The following PLXDC2 variants were observed in gnomAD, a reference collection of about 807,000 sequenced individuals.
PLXDC2 encodes the protein plexin domain-containing protein 2.
PLXDC2 carries 40 observed loss-of-function variants against 68.9 expected under a neutral mutation model. The observed-to-expected ratio is 0.58, with a 90% confidence interval of 0.45 to 0.76. The LOEUF is 0.76. Ranked by LOEUF, PLXDC2 falls within the 30% of genes least tolerant of loss-of-function variation. The pLI is 0.00. For missense variants in PLXDC2, 644 were observed against 661.9 expected (o/e 0.97, Z 0.30); for synonymous variants, 243 against 234.2 (o/e 1.04, Z -0.34).
rs1273748306 is a variant in PLXDC2, at chr10:20,044,219, TTCTTTC to T, written c.325-2648_325-2643del. Among the ~76,000 whole-genome samples the T allele has an allele frequency of 1.0e-3, 15 of 14,686 alleles. 1 individual carries two copies. The highest frequency in any genetic ancestry group is 2.1e-3 in the Admixed American group (3 of 1,406). 9.6% of individuals were successfully genotyped at this position (14,686 alleles called of 152,430 possible). A position where few individuals can be genotyped will look rare whatever the true frequency, so the allele number is the denominator to read the frequency against. On this transcript the variant is annotated intron_variant, in intron 2 of 13. Transcript: ENST00000377252. ...TCTCTCTCTCTCTCTCTGTCTTTCT[TTCTTTC>T]TTTCTTTCTTTCTTTCTTTCTTTCT... is the stretch of plus-strand genomic sequence containing the variant.
At chr10:20,260,033 A>T (rs527474549) in intron 13 of PLXDC2, among the ~76,000 whole-genome samples, 57 of 152,372 alleles carry the variant, frequency 3.7e-4, no homozygotes, top group Non-Finnish European at 6.5e-4. Context: ...GCCATCATTT[A>T]CTTAGCAGAT....
At chr10:20,052,871 T>A (rs1019820463) in intron 3 of PLXDC2, among the ~76,000 whole-genome samples, 2 of 152,038 alleles carry the variant, frequency 1.3e-5, no homozygotes, top group Non-Finnish European at 2.9e-5. Context: ...AAAGGCAACT[T>A]CCCACACACT....
intron 13 of PLXDC2, among the ~76,000 whole-genome samples, chr10:20,248,135 A>G (rs1835624851): frequency 2.0e-5 from 3 of 152,232 alleles, no homozygotes; most frequent in Admixed American, 2.0e-4. Context: ...GACATGGTGA[A>G]AAAGAAGACA....
Position 20,284,312 on chromosome 10 carries a change from C to CATATATATATATACATATATAT in PLXDC2, c.*4506_*4507insCATATATATATATATATATATA, listed in dbSNP as rs1348129132. ...GTGAGACCCATCTCTATCAAATATA[C>CATATATATATATACATATATAT]ATATATATATATATATATACACACA... On this transcript the variant is annotated 3_prime_UTR_variant, in exon 14 of 14. Transcript: ENST00000377252. 48 of 125,322 alleles carry CATATATATATATACATATATAT rather than the reference C, an allele frequency of 3.8e-4. No individual in the cohort carries two copies. The highest frequency in any genetic ancestry group is 1.5e-3 in the African/African-American group (48 of 31,496). The allele number at this position is 125,322 out of a possible 1,614,324, so 7.8% of individuals were successfully genotyped here.
chr10:20,126,813 A>AGAACACG (rs1207236355), intron 4 of PLXDC2, among the ~76,000 whole-genome samples: 3 of 144,556 alleles, frequency 2.1e-5, no homozygotes, highest in Admixed American at 1.4e-4. Flanking sequence ...ATATGTATAT[A>AGAACACG]TAACATATAT....
At chr10:20,114,424 C>T (rs371335096) in intron 4 of PLXDC2, among the ~76,000 whole-genome samples, 15 of 152,296 alleles carry the variant, frequency 9.8e-5, no homozygotes, top group South Asian at 4.1e-4. Context: ...CAATGTCAGA[C>T]GCTGTGTTGA....
At chr10:20,104,950 C>G (rs1009319570) in intron 4 of PLXDC2, among the ~76,000 whole-genome samples, 1 of 148,636 alleles carries the variant, frequency 6.7e-6, no homozygotes, top group Non-Finnish European at 1.5e-5. Context: ...ACTCAGGAGG[C>G]TGAGGCAGGA....
intron 1 of PLXDC2, among the ~76,000 whole-genome samples, chr10:19,988,965 T>G (rs964877239): frequency 6.6e-6 from 1 of 151,660 alleles, no homozygotes; most frequent in Admixed American, 6.6e-5. Flanking sequence ...CTGGCTAAAT[T>G]TTGTACTTTT....
At chr10:20,232,464 A>C (rs1835377849) in intron 12 of PLXDC2, among the ~76,000 whole-genome samples, 2 of 152,202 alleles carry the variant, frequency 1.3e-5, no homozygotes, top group African/African-American at 4.8e-5. Context: ...AATTGTCAAT[A>C]ACTAGAAATA....
intron 6 of PLXDC2, among the ~76,000 whole-genome samples, chr10:20,162,909 CAA>C (rs71390763): frequency 0.017 from 1,642 of 98,016 alleles, 28 homozygotes; most frequent in African/African-American, 0.063. Context: ...ACTAAAAATA[CAA>C]AAAAAAAAAA....
At chr10:19,961,430 A>G (rs1834152414) in intron 1 of PLXDC2, among the ~76,000 whole-genome samples, 1 of 152,230 alleles carries the variant, frequency 6.6e-6, no homozygotes, top group Non-Finnish European at 1.5e-5. Flanking sequence ...TTTCTGACAC[A>G]AGTGTCACAT....
chr10:19,889,004 C>T (rs1837899067), intron 1 of PLXDC2, among the ~76,000 whole-genome samples: 2 of 151,512 alleles, frequency 1.3e-5, no homozygotes. Context: ...TCAAGTTTAG[C>T]CCATGGCTTA....
intron 1 of PLXDC2, among the ~76,000 whole-genome samples, chr10:19,966,695 G>A (rs1473190089): frequency 1.3e-5 from 2 of 151,882 alleles, no homozygotes; most frequent in Non-Finnish European, 2.9e-5. Flanking sequence ...TAATACCACT[G>A]AACATTAAGC....
At chr10:20,125,345 C>G (rs1170676533) in intron 4 of PLXDC2, among the ~76,000 whole-genome samples, 1 of 152,160 alleles carries the variant, frequency 6.6e-6, no homozygotes, top group African/African-American at 2.4e-5. Flanking sequence ...GAGCCTGGTC[C>G]TAGCCGAGCA....
intron 1 of PLXDC2, among the ~76,000 whole-genome samples, chr10:19,910,678 A>G (rs1156317157): frequency 3.3e-5 from 5 of 150,166 alleles, no homozygotes; most frequent in African/African-American, 1.2e-4. Flanking sequence ...AAGATAGAAC[A>G]TTCCATGCCT....
chr10:20,003,513 A>G (rs1357657641), intron 2 of PLXDC2, among the ~76,000 whole-genome samples: 1 of 151,990 alleles, frequency 6.6e-6, no homozygotes, highest in Non-Finnish European at 1.5e-5. Flanking sequence ...GCTCACTGCA[A>G]CCTCTGCCTC....
At chr10:20,161,633 A>G (rs539129277) in intron 6 of PLXDC2, among the ~76,000 whole-genome samples, 23 of 152,196 alleles carry the variant, frequency 1.5e-4, no homozygotes, top group African/African-American at 5.5e-4. Context: ...ACATAGACCC[A>G]AAACATAAAG....
At chr10:19,994,568 C>G (rs1224838297) in intron 1 of PLXDC2, among the ~76,000 whole-genome samples, 2 of 151,686 alleles carry the variant, frequency 1.3e-5, no homozygotes, top group East Asian at 3.9e-4. Context: ...AGGCAGGTCT[C>G]CATCTCCTGG....
At position 19,995,402 on chromosome 10, in the gene PLXDC2, G is replaced by A. The variant is rs140336807; in HGVS notation, c.113-6373G>A. Reference sequence around the variant, plus strand: ...TGAATTGTTATAACACGTTCACAGTGTGAAATATTGTCTATCCCAGACGTT... The same window carrying A: ...TGAATTGTTATAACACGTTCACAGTATGAAATATTGTCTATCCCAGACGTT... On this transcript the variant is annotated intron_variant, in intron 1 of 13. Transcript: ENST00000377252. Among the ~76,000 whole-genome samples, 51 of 152,272 alleles carry A rather than the reference G, an allele frequency of 3.3e-4. 1 individual carries two copies. In the East Asian group the frequency reaches 9.3e-3, roughly 28 times the overall value.
Sources: gnomAD v4.1 joint callset for allele counts (sites outside exome capture counted in the v4.1 genomes callset) on GRCh38, gnomAD v4.1.1 for gene constraint, MANE v1.5 for transcripts, NCBI Gene and HGNC (gene_info 2026-07-23, HGNC 2026-07-21) for gene names.